PPM1D: variants seen among roughly 807,000 people sequenced by gnomAD.
The protein encoded by PPM1D is protein phosphatase 1D.
A neutral mutation model predicts 58.3 loss-of-function variants in PPM1D; 52 were observed. The ratio of observed to expected loss-of-function variants is 0.89; its 90% CI spans 0.71 to 1.12. The LOEUF (loss-of-function observed/expected upper bound fraction) is 1.12. PPM1D is among the 50% of genes most tolerant of loss of function. The pLI is 0.00. For synonymous variants in PPM1D, 278 were observed against 285.1 expected (o/e 0.98, Z 0.25); for missense variants, 564 against 777.2 (o/e 0.73, Z 3.26).
intron 4 of PPM1D, 103 bp from the exon 5 acceptor site, chr17:60,656,496 G>C (rs900045951): frequency 7.0e-7 from 1 of 1,421,236 alleles, no homozygotes; most frequent in East Asian, 2.4e-5. Flanking sequence ...TGGGAGCTTT[G>C]TTTGGGCCAC....
chr17:60,647,128 G>C (rs1166297321), intron 3 of PPM1D, among the ~76,000 whole-genome samples: 1 of 152,152 alleles, frequency 6.6e-6, no homozygotes, highest in Non-Finnish European at 1.5e-5. Flanking sequence ...CAATCCTTTT[G>C]GGATTTTGGT....
chr17:60,643,058 A>G (rs548440777), intron 3 of PPM1D, among the ~76,000 whole-genome samples: 1 of 151,136 alleles, frequency 6.6e-6, no homozygotes, highest in Admixed American at 6.6e-5. Flanking sequence ...CTCAAAAGAA[A>G]AAAAAAAAAA....
chr17:60,623,070 C>G (rs566183193), intron 1 of PPM1D, among the ~76,000 whole-genome samples: 81 of 152,270 alleles, frequency 5.3e-4, no homozygotes, highest in African/African-American at 1.9e-3. Flanking sequence ...AAGACTCAAT[C>G]TAAAAAACAA....
At chr17:60,602,779 G>GAAAAAAA (rs34932283) in intron 1 of PPM1D, among the ~76,000 whole-genome samples, 1 of 95,744 alleles carries the variant, frequency 1.0e-5, no homozygotes. Flanking sequence ...CTCAAAGCTT[G>GAAAAAAA]AAAAAAAAAA....
At chr17:60,635,002 GCTTAAGCCATCC>G (rs1218717185) in intron 3 of PPM1D, among the ~76,000 whole-genome samples, 2 of 151,736 alleles carry the variant, frequency 1.3e-5, no homozygotes, top group Non-Finnish European at 2.9e-5. Flanking sequence ...GTGGTCCTGG[GCTTAAGCCATCC>G]TCCTATCTCG....
Position 60,600,519 on chromosome 17 carries a change from T to G in PPM1D, c.105T>G (p.Ala35=), listed in dbSNP as rs2030180875. The change falls in exon 1 of 6, where the codon GCT becomes GCG. Residue 35 remains alanine (A), a synonymous_variant. Coordinates refer to ENST00000305921, the MANE Select transcript of PPM1D (RefSeq NM_003620.4). ...TQIVVEPEPT[A]EEKPSPRRSL... is the part of the protein sequence containing the mutation. The stretch of plus-strand genomic sequence containing the variant: ...TCGTTGTGGAGCCCGAACCGACGGC[T>G]GAAGAAAAGCCCTCGCCGCGGCGGT... The G allele has an allele frequency of 1.3e-6, 2 of 1,564,260 alleles. No homozygotes were observed. Among genetic ancestry groups the G allele is most frequent in the African/African-American group, 2.7e-5 (2 of 73,884 alleles).
chr17:60,638,431 C>T (rs1371685677), intron 3 of PPM1D, among the ~76,000 whole-genome samples: 2 of 151,836 alleles, frequency 1.3e-5, no homozygotes, highest in Non-Finnish European at 2.9e-5. Context: ...TGCAGTGGCA[C>T]GATCTCAGCT....
At chr17:60,634,518 A>G (rs551739356) in intron 3 of PPM1D, among the ~76,000 whole-genome samples, 6 of 152,214 alleles carry the variant, frequency 3.9e-5, no homozygotes, top group Non-Finnish European at 7.3e-5. Flanking sequence ...AAGTATATGC[A>G]TATCTAGGCT....
chr17:60,600,197 C>A lies in PPM1D; in HGVS notation c.-218C>A. On this transcript the variant is annotated 5_prime_UTR_variant, in exon 1 of 6. Transcript: ENST00000305921. ...GCGGGCGGTGGGGGGAAGCGCAGTG[C>A]GCAGGCGCAACTGCCTGGCTCTGCT... is the stretch of plus-strand genomic sequence containing the variant. The A allele has an allele frequency of 2.4e-6, 2 of 849,218 alleles. No individual in the cohort carries two copies. Among genetic ancestry groups the A allele is most frequent in the Non-Finnish European group, 3.5e-6 (2 of 578,032 alleles). The allele number at this position is 849,218 out of a possible 1,614,324, so 52.6% of individuals were successfully genotyped here.
intron 1 of PPM1D, among the ~76,000 whole-genome samples, chr17:60,621,905 C>T (rs1330720871): frequency 8.2e-5 from 12 of 145,792 alleles, no homozygotes; most frequent in African/African-American, 3.1e-4. Context: ...AAAAAATTAT[C>T]GGCCAGGCGT....
chr17:60,600,384 G>T lies in PPM1D; in HGVS notation c.-31G>T, dbSNP rs1359030638. The T allele has an allele frequency of 3.2e-6, 5 of 1,543,068 alleles. No individual in the cohort carries two copies. Among genetic ancestry groups the T allele is most frequent in the South Asian group, 1.2e-5 (1 of 83,924 alleles). ...CCCGCCGCCGGATTCGGCGGGCTGC[G>T]TGGGACCGGCGGGATCCCGGCCAGC... On this transcript the variant is annotated 5_prime_UTR_variant, in exon 1 of 6. Transcript: ENST00000305921.
intron 3 of PPM1D, among the ~76,000 whole-genome samples, chr17:60,642,038 C>T (rs952278271): frequency 3.3e-5 from 5 of 152,196 alleles, no homozygotes; most frequent in East Asian, 3.9e-4. Flanking sequence ...GTTCTATGAT[C>T]GTACTTTGGT....
chr17:60,657,763 G>A (rs2031465639), intron 5 of PPM1D, among the ~76,000 whole-genome samples: 1 of 152,064 alleles, frequency 6.6e-6, no homozygotes. Context: ...TTTTGAGACA[G>A]AGTTTCACTC....
chr17:60,622,799 T>C (rs1440374883), intron 1 of PPM1D, among the ~76,000 whole-genome samples: 1 of 152,192 alleles, frequency 6.6e-6, no homozygotes, highest in South Asian at 2.1e-4. Flanking sequence ...AAAATAGTTA[T>C]TTCAAAAACA....
At chr17:60,633,715 G>A in intron 2 of PPM1D, 138 bp from the exon 3 acceptor site, 5 of 971,256 alleles carry the variant, frequency 5.1e-6, no homozygotes, top group South Asian at 1.9e-5. Flanking sequence ...TTTGGCTTAT[G>A]CATCTTTGTA....
At chr17:60,638,659 G>A (rs369512148) in intron 3 of PPM1D, among the ~76,000 whole-genome samples, 3 of 152,040 alleles carry the variant, frequency 2.0e-5, no homozygotes, top group Admixed American at 6.6e-5. Flanking sequence ...GCAAGCCACC[G>A]CGACCGACCG....
At position 60,600,897 on chromosome 17, in the gene PPM1D, T is replaced by G. The variant is rs2030194657; in HGVS notation, c.472+11T>G. 4 of 1,612,918 alleles carry G rather than the reference T, an allele frequency of 2.5e-6. No individual in the cohort carries two copies. Among genetic ancestry groups the G allele is most frequent in the Non-Finnish European group, 3.4e-6 (4 of 1,179,974 alleles). On this transcript the variant is annotated intron_variant, in intron 1 of 5. Coordinates refer to ENST00000305921, the MANE Select transcript of PPM1D (RefSeq NM_003620.4). ...TGTGGAAGAAACTGGGTAAGTTCCCTGGCTTGTTTGGCGCCCGCCCCTTTT... is the reference window on the plus strand; with the variant it reads ...TGTGGAAGAAACTGGGTAAGTTCCCGGGCTTGTTTGGCGCCCGCCCCTTTT...
At chr17:60,623,057 AGT>A (rs896264357) in intron 1 of PPM1D, among the ~76,000 whole-genome samples, 1 of 152,230 alleles carries the variant, frequency 6.6e-6, no homozygotes, top group Non-Finnish European at 1.5e-5. Flanking sequence ...TGGGTGACAG[AGT>A]AAGACTCAAT....
At chr17:60,615,288 C>T (rs552153723) in intron 1 of PPM1D, among the ~76,000 whole-genome samples, 1 of 151,998 alleles carries the variant, frequency 6.6e-6, no homozygotes, top group African/African-American at 2.4e-5. Flanking sequence ...CCAGCCCAGG[C>T]AAACCCAGCT....
Sources: allele counts gnomAD v4.1 joint callset (sites outside exome capture counted in the v4.1 genomes callset), GRCh38; gene constraint gnomAD v4.1.1; transcripts MANE v1.5; gene names NCBI Gene and HGNC (gene_info 2026-07-23, HGNC 2026-07-21).